The following GOLGA4 variants were observed in gnomAD, a reference collection of about 807,000 sequenced individuals.
The protein encoded by GOLGA4 is golgin subfamily A member 4.
Under a neutral mutation model 265.9 loss-of-function variants are expected in GOLGA4, and 169 were observed. The ratio of observed to expected loss-of-function variants is 0.64; its 90% confidence interval spans 0.56 to 0.72. The LOEUF is 0.72. Among genes scored for constraint, GOLGA4 ranks in the 30% least tolerant of loss-of-function variants. GOLGA4 has a pLI of 0.00. For missense variants in GOLGA4, 2,482 were observed against 2,483.4 expected, an observed-to-expected ratio of 1.00 and a Z score of 0.01; for synonymous variants, 923 against 855.8, an observed-to-expected ratio of 1.08 and a Z score of -1.37.
chr3:37,320,483 T>C (rs1048327255), intron 12 of GOLGA4: 5 of 152,338 alleles, frequency 3.3e-5, no homozygotes, highest in African/African-American at 1.2e-4. Flanking sequence ...ACAAGTTCTC[T>C]ACCCAGCTCT....
At chr3:37,347,725 T>G (rs1385738502) in intron 21 of GOLGA4, among the ~76,000 whole-genome samples, 3 of 152,178 alleles carry the variant, frequency 2.0e-5, no homozygotes, top group African/African-American at 7.2e-5. Flanking sequence ...ATAGTTACTG[T>G]AAGAAAATCC....
chr3:37,347,654 A>G (rs2097060377), intron 21 of GOLGA4, among the ~76,000 whole-genome samples: 1 of 152,110 alleles, frequency 6.6e-6, no homozygotes, highest in South Asian at 2.1e-4. Context: ...GATATTATGG[A>G]TAATATTGGA....
intron 2 of GOLGA4, among the ~76,000 whole-genome samples, chr3:37,258,011 A>G (rs2096756641): frequency 2.5e-5 from 1 of 40,550 alleles, no homozygotes; most frequent in African/African-American, 1.6e-4. Flanking sequence ...ATATACATAC[A>G]TATATATATG....
At chr3:37,304,622 A>AG (rs1345515445) in intron 10 of GOLGA4, among the ~76,000 whole-genome samples, 1 of 152,218 alleles carries the variant, frequency 6.6e-6, no homozygotes, top group East Asian at 1.9e-4. Context: ...AATGTTGGTC[A>AG]GGGGATTACA....
intron 10 of GOLGA4, among the ~76,000 whole-genome samples, chr3:37,315,074 A>G (rs1175279890): frequency 6.6e-6 from 1 of 152,248 alleles, no homozygotes; most frequent in Admixed American, 6.5e-5. Flanking sequence ...ATTATACAGT[A>G]CAGAAATAGG....
chr3:37,318,549 T>TC (rs1455107188), intron 11 of GOLGA4, among the ~76,000 whole-genome samples: 3 of 151,866 alleles, frequency 2.0e-5, no homozygotes, highest in Admixed American at 1.3e-4. Flanking sequence ...TCCAGTGGGC[T>TC]CCCCCATTCT....
chr3:37,351,343 A>G (rs2097073891), intron 21 of GOLGA4, among the ~76,000 whole-genome samples: 2 of 152,170 alleles, frequency 1.3e-5, no homozygotes, highest in Admixed American at 1.3e-4. Flanking sequence ...GCTGCACTAT[A>G]TCTACAGCTA....
chr3:37,335,177 T>A lies in GOLGA4; in HGVS notation c.6306+11T>A. On this transcript the variant is annotated intron_variant, in intron 17 of 23. Coordinates refer to ENST00000361924, the MANE Select transcript of GOLGA4 (RefSeq NM_002078.5). ...CCTGGCAATGATAATGTGAGAGGAG[T>A]TTGAGTTTGCTGCACATGTTTCTTG... The A allele has an allele frequency of 4.1e-5, 57 of 1,378,006 alleles. No individual in the cohort carries two copies. Among genetic ancestry groups the A allele is most frequent in the Non-Finnish European group, 5.6e-5 (55 of 973,664 alleles). 85.4% of individuals were successfully genotyped at this position (1,378,006 alleles called of 1,614,324 possible).
At chr3:37,260,305 T>G (rs947926313) in intron 2 of GOLGA4, among the ~76,000 whole-genome samples, 5 of 152,136 alleles carry the variant, frequency 3.3e-5, no homozygotes, top group Non-Finnish European at 7.4e-5. Context: ...ACAGTTGTAC[T>G]TAACAGTATC....
At chr3:37,294,330 A>G (rs975334457) in intron 5 of GOLGA4, among the ~76,000 whole-genome samples, 1 of 151,944 alleles carries the variant, frequency 6.6e-6, no homozygotes, top group Non-Finnish European at 1.5e-5. Context: ...TCAGATGAAT[A>G]TAATATAACA....
intron 2 of GOLGA4, 117 bp downstream of exon 2, chr3:37,251,601 G>T: frequency 1.9e-4 from 95 of 498,140 alleles, no homozygotes; most frequent in East Asian, 4.6e-4. Context: ...CCTAGGTAGA[G>T]TTTTTATTAG....
intron 2 of GOLGA4, among the ~76,000 whole-genome samples, chr3:37,273,354 ATACT>A (rs2096804009): frequency 6.6e-6 from 1 of 152,238 alleles, no homozygotes. Flanking sequence ...ATTTTCTAAA[ATACT>A]TACCATACTA....
At chr3:37,356,129 C>G (rs2097090338) in intron 22 of GOLGA4, among the ~76,000 whole-genome samples, 1 of 152,152 alleles carries the variant, frequency 6.6e-6, no homozygotes, top group African/African-American at 2.4e-5. Context: ...ACATCTCCTT[C>G]TCTACATGAT....
intron 2 of GOLGA4, among the ~76,000 whole-genome samples, chr3:37,279,111 T>C (rs558734417): frequency 6.6e-6 from 1 of 152,318 alleles, no homozygotes; most frequent in East Asian, 1.9e-4. Context: ...GAAACCATAG[T>C]TGACAGCAAG....
At chr3:37,338,560 G>A (rs544519729) in intron 19 of GOLGA4, among the ~76,000 whole-genome samples, 1 of 152,140 alleles carries the variant, frequency 6.6e-6, no homozygotes, top group East Asian at 1.9e-4. Context: ...AACAGTTTTT[G>A]TATTAGTTAT....
At chr3:37,295,164 G>T in intron 6 of GOLGA4, 87 bp downstream of exon 6, 3 of 703,328 alleles carry the variant, frequency 4.3e-6, no homozygotes, top group African/African-American at 1.9e-5. Context: ...GGTTGCAAAA[G>T]TTTTTTCTTT....
rs749194446 is a variant in GOLGA4, at chr3:37,315,517, C to G, written c.1332C>G (p.Ile444Met). The change falls in exon 11 of 24, where the codon ATC (isoleucine) becomes ATG (methionine). Residue 444 changes from isoleucine to methionine, a missense_variant. This residue lies in a region of GOLGA4 where 1,536 missense variants were observed against 1,483.7 expected (regional missense o/e 1.04). Transcript: ENST00000361924. Reference sequence around the variant, plus strand: ...AAATGGATGAACAAATAAAAACTATCGAAAAAACAAGTGAGGAGGAACGCA... The same window carrying G: ...AAATGGATGAACAAATAAAAACTATGGAAAAAACAAGTGAGGAGGAACGCA... ...KAEMDEQIKTIEKTSEEERIS... is the reference protein window; with the variant it reads ...KAEMDEQIKTMEKTSEEERIS... 3 of 1,613,604 alleles carry G rather than the reference C, an allele frequency of 1.9e-6. No homozygotes were observed. The highest frequency in any genetic ancestry group is 1.1e-5 in the South Asian group (1 of 91,064).
At chr3:37,337,922 C>T (rs2097019915) in intron 19 of GOLGA4, among the ~76,000 whole-genome samples, 188 bp downstream of exon 19, 1 of 152,072 alleles carries the variant, frequency 6.6e-6, no homozygotes, top group Non-Finnish European at 1.5e-5. Context: ...TAAGCAAGAA[C>T]ATTTGTATCA....
rs2096818488 is a variant in GOLGA4, at chr3:37,276,323, C to T, written c.163-5635C>T. 2.4e-5 allele frequency: 38 copies of T among 1,605,048 alleles called. No homozygotes were observed. In the South Asian group the frequency reaches 3.7e-4, roughly 16 times the overall value. On this transcript the variant is annotated intron_variant, in intron 2 of 23. Coordinates refer to ENST00000361924, the MANE Select transcript of GOLGA4 (RefSeq NM_002078.5). ...AAATCCAAATTTAAGGAAAAATGTCCTCTGTGGGAATATTCCTCCTGACTT... is the reference window on the plus strand; with the variant it reads ...AAATCCAAATTTAAGGAAAAATGTCTTCTGTGGGAATATTCCTCCTGACTT...
Sources: allele counts gnomAD v4.1 joint callset (sites outside exome capture counted in the v4.1 genomes callset), GRCh38; gene constraint gnomAD v4.1.1; regional missense constraint gnomAD v4.1.1; transcripts MANE v1.5; gene names NCBI Gene and HGNC (gene_info 2026-07-23, HGNC 2026-07-21).